Variants in NIBAN1 observed in about 807,000 individuals in gnomAD.
NIBAN1 encodes niban apoptosis regulator 1.
A neutral mutation model predicts 75.1 loss-of-function variants in NIBAN1; 81 were observed. The observed-to-expected ratio is 1.08, with a 90% CI of 0.90 to 1.30. NIBAN1 has a LOEUF of 1.30. Among genes scored for constraint, NIBAN1 ranks in the 50% most tolerant of loss-of-function variants. The pLI is 0.00. For missense variants in NIBAN1, 1,133 were observed against 1,128.1 expected (o/e 1.00, Z -0.06); for synonymous variants, 436 against 424.8 (o/e 1.03, Z -0.32).
intron 1 of NIBAN1, among the ~76,000 whole-genome samples, chr1:184,967,059 AG>A (rs1411003175): frequency 6.6e-6 from 1 of 152,180 alleles, no homozygotes; most frequent in African/African-American, 2.4e-5. Context: ...GTACCAAGGT[AG>A]GGGGCACTTT....
intron 8 of NIBAN1, among the ~76,000 whole-genome samples, chr1:184,822,485 A>G (rs1654730249): frequency 6.6e-6 from 1 of 152,194 alleles, no homozygotes; most frequent in Non-Finnish European, 1.5e-5. Flanking sequence ...CCAAGAAAAC[A>G]TTATTTACAA....
chr1:184,806,222 T>C (rs1654194989), intron 10 of NIBAN1, among the ~76,000 whole-genome samples, 166 bp from the exon 11 acceptor site: 1 of 152,014 alleles, frequency 6.6e-6, no homozygotes. Flanking sequence ...ACCAGGGCTG[T>C]GAAACAAATG....
intron 1 of NIBAN1, among the ~76,000 whole-genome samples, chr1:184,914,612 C>T (rs1657333422): frequency 6.6e-6 from 1 of 152,006 alleles, no homozygotes; most frequent in African/African-American, 2.4e-5. Context: ...AGGATTACAA[C>T]ATGATGCTAT....
Position 184,795,308 on chromosome 1 carries a change from G to A in NIBAN1, c.2456C>T (p.Ala819Val), listed in dbSNP as rs751972614. Residue 819 changes from alanine to valine, a missense_variant, in exon 14 of 14, where the codon GCC (alanine) becomes GTC (valine). Coordinates refer to ENST00000367511, the MANE Select transcript of NIBAN1 (RefSeq NM_052966.4). The stretch of plus-strand genomic sequence containing the variant: ...TCCTTCATGGGCAGTGAGTGTGCAG[G>A]CCTCTCCTGGGAGCTCCCCCTCCAT... ...GPMEGELPGE[A>V]CTLTAHEGRG... is the part of the protein sequence containing the mutation. The A allele has an allele frequency of 1.9e-5, 31 of 1,612,058 alleles. No homozygotes were observed. Among genetic ancestry groups the A allele is most frequent in the Non-Finnish European group, 2.6e-5 (31 of 1,179,856 alleles).
chr1:184,833,766 C>T (rs191569102), intron 5 of NIBAN1, among the ~76,000 whole-genome samples: 2 of 151,080 alleles, frequency 1.3e-5, no homozygotes, highest in Admixed American at 1.3e-4. Context: ...ACTGACATTT[C>T]CAATAGTAAC....
At chr1:184,893,130 G>A (rs1301796350) in intron 3 of NIBAN1, among the ~76,000 whole-genome samples, 6 of 152,202 alleles carry the variant, frequency 3.9e-5, no homozygotes, top group South Asian at 4.2e-4. Context: ...TGTTACTGTC[G>A]TTCACTGATA....
At chr1:184,960,805 T>A (rs1658615444) in intron 1 of NIBAN1, among the ~76,000 whole-genome samples, 1 of 152,106 alleles carries the variant, frequency 6.6e-6, no homozygotes, top group Non-Finnish European at 1.5e-5. Context: ...TAATTTTGTA[T>A]TTTTAGTAGA....
At chr1:184,860,536 T>A (rs1655790061) in intron 5 of NIBAN1, among the ~76,000 whole-genome samples, 1 of 152,232 alleles carries the variant, frequency 6.6e-6, no homozygotes, top group Non-Finnish European at 1.5e-5. Context: ...TGAAAATATT[T>A]TGTATCTTAA....
At chr1:184,888,506 C>G (rs1038608839) in intron 4 of NIBAN1, among the ~76,000 whole-genome samples, 10 of 152,148 alleles carry the variant, frequency 6.6e-5, no homozygotes, top group African/African-American at 2.2e-4. Flanking sequence ...TTTCCAGATG[C>G]CATCAGTGAA....
chr1:184,898,233 C>T (rs918443670), intron 2 of NIBAN1, among the ~76,000 whole-genome samples: 3 of 152,196 alleles, frequency 2.0e-5, no homozygotes, highest in African/African-American at 4.8e-5. Context: ...ACTCTTCCCA[C>T]GAATATTCAC....
chr1:184,802,845 A>G (rs913417612), intron 12 of NIBAN1, among the ~76,000 whole-genome samples: 1 of 152,198 alleles, frequency 6.6e-6, no homozygotes, highest in Admixed American at 6.5e-5. Flanking sequence ...CTGAGTGCCT[A>G]TCATGTTTTA....
At chr1:184,962,237 T>C (rs1263275934) in intron 1 of NIBAN1, among the ~76,000 whole-genome samples, 1 of 152,242 alleles carries the variant, frequency 6.6e-6, no homozygotes, top group East Asian at 1.9e-4. Context: ...AGTTTGTCTC[T>C]GATTTTAAAA....
At chr1:184,943,014 G>A (rs1333157024) in intron 1 of NIBAN1, among the ~76,000 whole-genome samples, 1 of 152,230 alleles carries the variant, frequency 6.6e-6, no homozygotes, top group Non-Finnish European at 1.5e-5. Context: ...GTTTTGGAAA[G>A]TGATATCTCT....
chr1:184,970,184 A>T (rs1658900903), intron 1 of NIBAN1, among the ~76,000 whole-genome samples: 1 of 151,850 alleles, frequency 6.6e-6, no homozygotes, highest in South Asian at 2.1e-4. Flanking sequence ...AAAAAAAAAA[A>T]AAAAATGGAG....
intron 1 of NIBAN1, among the ~76,000 whole-genome samples, chr1:184,909,315 T>C (rs1313201892): frequency 3.9e-5 from 6 of 152,208 alleles, no homozygotes; most frequent in Non-Finnish European, 7.4e-5. Context: ...TTTTTTCTTT[T>C]TCTTATTTCA....
intron 5 of NIBAN1, among the ~76,000 whole-genome samples, chr1:184,842,970 T>C (rs1013545554): frequency 2.6e-5 from 4 of 152,206 alleles, no homozygotes; most frequent in East Asian, 1.9e-4. Flanking sequence ...GCTTAGCGTC[T>C]TGATGACCTT....
At chr1:184,937,004 C>T (rs1342894831) in intron 1 of NIBAN1, among the ~76,000 whole-genome samples, 2 of 152,052 alleles carry the variant, frequency 1.3e-5, no homozygotes, top group African/African-American at 4.8e-5. Context: ...CCATCCTATC[C>T]CTTTCCTCCT....
intron 1 of NIBAN1, among the ~76,000 whole-genome samples, chr1:184,949,383 A>T (rs1557927289): frequency 6.6e-6 from 1 of 152,194 alleles, no homozygotes; most frequent in African/African-American, 2.4e-5. Context: ...AAATAAATGA[A>T]AGTGGAATAT....
chr1:184,937,532 T>G (rs987701576), intron 1 of NIBAN1, among the ~76,000 whole-genome samples: 3 of 152,200 alleles, frequency 2.0e-5, no homozygotes, highest in Admixed American at 1.3e-4. Flanking sequence ...CTTAACTACC[T>G]CTCATGAGCC....
Sources: allele counts gnomAD v4.1 joint callset (sites outside exome capture counted in the v4.1 genomes callset), GRCh38; gene constraint gnomAD v4.1.1; transcripts MANE v1.5; gene names NCBI Gene and HGNC (gene_info 2026-07-23, HGNC 2026-07-21).